MEIG1: variants seen among roughly 807,000 people sequenced by gnomAD.
The protein encoded by MEIG1 is meiosis/spermiogenesis associated 1.
MEIG1 carries 12 observed loss-of-function variants against 11.3 expected under a neutral mutation model. That is an observed-to-expected ratio of 1.07 (90% CI 0.68 to 1.73). MEIG1 has a LOEUF of 1.73. Ranked by LOEUF, MEIG1 falls within the 40% of genes most tolerant of loss-of-function variation. MEIG1 has a pLI of 0.00. For synonymous variants in MEIG1, 41 were observed against 33.2 expected, an observed-to-expected ratio of 1.24 and a Z score of -0.81; for missense variants, 119 against 104.9, an observed-to-expected ratio of 1.13 and a Z score of -0.59.
chr10:14,958,845 G>A (rs1263328713), upstream of MEIG1, among the ~76,000 whole-genome samples: 3 of 151,888 alleles, frequency 2.0e-5, no homozygotes, highest in Non-Finnish European at 4.4e-5. Flanking sequence ...GCAGTGAGCC[G>A]AGATAGCACC....
chr10:14,972,473 C>G, intron 2 of MEIG1, 40 bp from the exon 3 acceptor site: 1 of 1,612,396 alleles, frequency 6.2e-7, no homozygotes, highest in Non-Finnish European at 8.5e-7. Context: ...AAAAATCAAC[C>G]CTCCATTGTA....
intron 2 of MEIG1, among the ~76,000 whole-genome samples, chr10:14,971,620 A>G (rs1843152177): frequency 6.6e-6 from 1 of 152,166 alleles, no homozygotes; most frequent in Non-Finnish European, 1.5e-5. Flanking sequence ...ATAGTTCTTG[A>G]GTTGCTTGCT....
intron 1 of MEIG1, among the ~76,000 whole-genome samples, chr10:14,983,436 G>A (rs1446035418): frequency 1.3e-5 from 2 of 151,984 alleles, no homozygotes; most frequent in Admixed American, 6.6e-5. Context: ...GGGAGAGGAC[G>A]ATATGACTCC....
At chr10:14,980,380 T>A (rs988964804) in intron 1 of MEIG1, among the ~76,000 whole-genome samples, 1 of 152,166 alleles carries the variant, frequency 6.6e-6, no homozygotes, top group African/African-American at 2.4e-5. Flanking sequence ...AGGTTATTCA[T>A]AATCGTTTCC....
intron 2 of MEIG1, among the ~76,000 whole-genome samples, chr10:14,971,771 T>C (rs1483055978): frequency 6.6e-6 from 1 of 152,186 alleles, no homozygotes; most frequent in Non-Finnish European, 1.5e-5. Flanking sequence ...GAAATGAAGT[T>C]TAGATTACTT....
downstream of MEIG1, among the ~76,000 whole-genome samples, chr10:14,977,633 T>C (rs2131279829): frequency 6.6e-6 from 1 of 152,012 alleles, no homozygotes; most frequent in African/African-American, 2.4e-5. Flanking sequence ...CTTCAAGAGA[T>C]ATAACTCCTA....
chr10:14,980,010 T>G (rs866574670), intron 1 of MEIG1, among the ~76,000 whole-genome samples: 3 of 152,070 alleles, frequency 2.0e-5, no homozygotes, highest in Admixed American at 1.3e-4. Context: ...TTCATAATAT[T>G]CTAGGGGGAT....
intron 1 of MEIG1, among the ~76,000 whole-genome samples, chr10:14,982,849 A>G (rs1236609810): frequency 2.6e-5 from 4 of 152,184 alleles, no homozygotes; most frequent in Admixed American, 2.6e-4. Context: ...CGATAACAAT[A>G]AATGATTAAT....
chr10:14,979,357 T>G (rs540218703), intron 1 of MEIG1, among the ~76,000 whole-genome samples: 10 of 152,122 alleles, frequency 6.6e-5, no homozygotes, highest in African/African-American at 2.2e-4. Flanking sequence ...CCCTGTGATA[T>G]TATTCGGAAT....
At chr10:14,973,040 A>G (rs1280621959), downstream of MEIG1, among the ~76,000 whole-genome samples, 2 of 152,022 alleles carry the variant, frequency 1.3e-5, no homozygotes, top group African/African-American at 4.8e-5. Flanking sequence ...TAATTTTTAT[A>G]TATTTAATAG....
At chr10:14,971,515 C>CT (rs1467600094) in intron 2 of MEIG1, among the ~76,000 whole-genome samples, 2 of 150,812 alleles carry the variant, frequency 1.3e-5, no homozygotes, top group African/African-American at 4.9e-5. Flanking sequence ...CGCACTACAG[C>CT]CTCGGAGACA....
At chr10:14,967,117 G>T (rs1440228056) in intron 2 of MEIG1, among the ~76,000 whole-genome samples, 4 of 151,908 alleles carry the variant, frequency 2.6e-5, no homozygotes, top group Admixed American at 6.6e-5. Context: ...GTTTAGCTGG[G>T]CACATTCAGA....
At chr10:14,958,267 G>A (rs977172281), upstream of MEIG1, among the ~76,000 whole-genome samples, 11 of 126,436 alleles carry the variant, frequency 8.7e-5, no homozygotes, top group African/African-American at 1.2e-4. Flanking sequence ...GAGAAAGACC[G>A]GGCTGAAGAG....
downstream of MEIG1, among the ~76,000 whole-genome samples, chr10:14,977,729 A>G (rs1843225716): frequency 2.0e-5 from 3 of 152,000 alleles, no homozygotes; most frequent in African/African-American, 4.8e-5. Flanking sequence ...AGTAACCCAC[A>G]GAGGGTACAC....
chr10:14,963,374 C>G (rs10906784), intron 1 of MEIG1, among the ~76,000 whole-genome samples: 96,870 of 151,980 alleles, frequency 0.64, 31,222 homozygotes, highest in Non-Finnish European at 0.68. Context: ...GGATTACAGG[C>G]GTGAGCCACC....
At chr10:14,987,059 C>T (rs1843325556) in intron 2 of MEIG1, 1 of 616,744 alleles carries the variant, frequency 1.6e-6, no homozygotes, top group South Asian at 1.5e-5. Flanking sequence ...AGACAGATGG[C>T]TACAAAGCCG....
chr10:14,954,401 G>C (rs1485169851), upstream of MEIG1: 1 of 337,856 alleles, frequency 3.0e-6, no homozygotes, highest in South Asian at 2.7e-5. Context: ...AGTGGGCTGC[G>C]GAACTGCGCT....
At chr10:14,964,696 C>A (rs1390096294) in intron 1 of MEIG1, among the ~76,000 whole-genome samples, 1 of 127,744 alleles carries the variant, frequency 7.8e-6, no homozygotes, top group African/African-American at 3.0e-5. Context: ...GGCTGGAGTG[C>A]AACCTCCACC....
At chr10:14,982,469 T>G (rs867363574) in intron 1 of MEIG1, among the ~76,000 whole-genome samples, 11 of 152,222 alleles carry the variant, frequency 7.2e-5, no homozygotes, top group South Asian at 2.1e-4. Flanking sequence ...AGCCCAGGTG[T>G]GGTTGTGGGT....
Sources: allele counts gnomAD v4.1 joint callset (sites outside exome capture counted in the v4.1 genomes callset), GRCh38; gene constraint gnomAD v4.1.1; transcripts MANE v1.5; gene names NCBI Gene and HGNC (gene_info 2026-07-23, HGNC 2026-07-21).